FER1L6: variants seen among roughly 807,000 people sequenced by gnomAD.
FER1L6 encodes the protein fer-1-like protein 6.
A neutral mutation model predicts 219.2 loss-of-function variants in FER1L6; 177 were observed. That is an observed-to-expected ratio of 0.81 (90% CI 0.71 to 0.91). The LOEUF is 0.91. FER1L6 is among the 40% of genes least tolerant of loss of function. FER1L6 has a pLI of 0.00. For missense variants in FER1L6, 2,153 were observed against 2,259.9 expected (o/e 0.95, Z 0.96); for synonymous variants, 768 against 824.3 (o/e 0.93, Z 1.17).
At chr8:123,864,283 C>G (rs887372908) in intron 1 of FER1L6, among the ~76,000 whole-genome samples, 1 of 148,568 alleles carries the variant, frequency 6.7e-6, no homozygotes, top group African/African-American at 2.5e-5. Context: ...AAATTCTTTT[C>G]TTTAAGAATG....
intron 1 of FER1L6, among the ~76,000 whole-genome samples, chr8:123,912,300 C>G (rs1168594188): frequency 6.6e-6 from 1 of 151,294 alleles, no homozygotes; most frequent in Non-Finnish European, 1.5e-5. Context: ...AAGAAGAAAG[C>G]CTACTAAGTA....
chr8:124,061,530 AAGC>A (rs1290146920), intron 24 of FER1L6, among the ~76,000 whole-genome samples: 1 of 152,184 alleles, frequency 6.6e-6, no homozygotes, highest in African/African-American at 2.4e-5. Context: ...GGGCCTGGAT[AAGC>A]TGTCTTTGGA....
rs71289636 is a variant in FER1L6 at position 124,106,328 on chromosome 8, C to CAAAAAAA, written c.5289+3046_5289+3052dup. On this transcript the variant is annotated intron_variant, in intron 39 of 40. Coordinates refer to ENST00000522917, the MANE Select transcript of FER1L6 (RefSeq NM_001039112.2). The stretch of plus-strand genomic sequence containing the variant: ...TGGGCGACAGAGTGAGACTCTGTCT[C>CAAAAAAA]AAAAAAAAAAAAAAAAAAAAAAAAA... Among the ~76,000 whole-genome samples the CAAAAAAA allele has an allele frequency of 1.7e-4, 11 of 63,856 alleles. 1 individual carries two copies. Among genetic ancestry groups the CAAAAAAA allele is most frequent in the Non-Finnish European group, 2.3e-4 (9 of 38,310 alleles). The allele number at this position is 63,856 out of a possible 152,430, so 41.9% of individuals were successfully genotyped here. A position where few individuals can be genotyped will look rare whatever the true frequency, so the allele number is the denominator to read the frequency against.
At chr8:124,013,408 C>T in intron 14 of FER1L6, 23 bp from the exon 15 acceptor site, 2 of 1,486,312 alleles carry the variant, frequency 1.3e-6, no homozygotes, top group Non-Finnish European at 1.8e-6. Flanking sequence ...CCTCATCTCT[C>T]CACCCCTGTG....
Position 123,933,357 on chromosome 8 carries a change from T to G in FER1L6, c.-7-22635T>G, listed in dbSNP as rs535750068. On this transcript the variant is annotated intron_variant, in intron 1 of 40. Coordinates refer to ENST00000522917, the MANE Select transcript of FER1L6 (RefSeq NM_001039112.2). Reference sequence around the variant, plus strand: ...CCACTTCCCCCTATAGTCTGATCTTTCTATCATAGCATATGTGTGTCTGTG... The same window carrying G: ...CCACTTCCCCCTATAGTCTGATCTTGCTATCATAGCATATGTGTGTCTGTG... Among the ~76,000 whole-genome samples the G allele has an allele frequency of 2.3e-4, 35 of 152,214 alleles. 1 individual carries two copies. The South Asian group carries it at 7.1e-3, about 31-fold the overall frequency.
At chr8:124,069,496 C>A in intron 29 of FER1L6, 21 bp downstream of exon 29, 2 of 1,559,032 alleles carry the variant, frequency 1.3e-6, no homozygotes, top group Non-Finnish European at 8.8e-7. Context: ...ACACAGGCAT[C>A]TCTGCCATGG....
At chr8:124,069,280 A>T (rs1248012813) in intron 28 of FER1L6, 80 bp from the exon 29 acceptor site, 1 of 1,085,014 alleles carries the variant, frequency 9.2e-7, no homozygotes, top group Non-Finnish European at 1.4e-6. Flanking sequence ...ACATGTCAGC[A>T]AAAGGAAAGA....
Position 124,023,586 on chromosome 8 carries a change from A to C in FER1L6, c.2276A>C (p.His759Pro), listed in dbSNP as rs767526348. The C allele has an allele frequency of 6.1e-5, 98 of 1,614,078 alleles. No homozygotes were observed. In the South Asian group the frequency reaches 8.3e-4, roughly 14 times the overall value. ...MGKHCGKIKT[H>P]FLKPPGKRPA... ...AAACACTGCGGCAAGATCAAAACTC[A>C]CTTCCTCAAAGTAAGTGTGCAGTAT... The change falls in exon 18 of 41, where the codon CAC (histidine) becomes CCC (proline). Residue 759 changes from histidine (H) to proline (P), a missense_variant. Transcript: ENST00000522917.
In FER1L6 at chr8:123,904,337, G is replaced by C. The variant is rs563808209; in HGVS notation, c.-7-51655G>C. On this transcript the variant is annotated intron_variant, in intron 1 of 40. Transcript: ENST00000522917. ...TTGAGGCTATAGGGAAGGTTGGAAA[G>C]CATCTAGCACTAGCTCTGTGTATAA... 2.0e-5 allele frequency among the ~76,000 whole-genome samples: 3 copies of C among 151,172 alleles called. No homozygotes were observed. The East Asian group carries it at 5.9e-4, about 30-fold the overall frequency.
intron 7 of FER1L6, among the ~76,000 whole-genome samples, chr8:123,974,639 A>T (rs1010038915): frequency 7.1e-6 from 1 of 141,212 alleles, no homozygotes; most frequent in African/African-American, 2.7e-5. Flanking sequence ...CCAGCCAGGC[A>T]TCACAGCGAG....
At chr8:124,076,051 T>C in intron 31 of FER1L6, 147 bp from the exon 32 acceptor site, 1 of 976,298 alleles carries the variant, frequency 1.0e-6, no homozygotes, top group Non-Finnish European at 1.5e-6. Context: ...AGGGAGTTTT[T>C]CAAAAGCCCA....
intron 18 of FER1L6, among the ~76,000 whole-genome samples, chr8:124,032,748 T>C (rs1375583133): frequency 1.1e-5 from 1 of 92,280 alleles, no homozygotes; most frequent in African/African-American, 4.2e-5. Context: ...GGGGGCAGGG[T>C]GGGAGGGGGA....
At chr8:123,966,374 C>T in intron 5 of FER1L6, 84 bp downstream of exon 5, 1 of 1,549,496 alleles carries the variant, frequency 6.5e-7, no homozygotes, top group Non-Finnish European at 8.8e-7. Flanking sequence ...AAACAAAGAG[C>T]TGTGCCCCTC....
At chr8:124,089,387 G>C (rs1472161189) in intron 33 of FER1L6, among the ~76,000 whole-genome samples, 1 of 152,206 alleles carries the variant, frequency 6.6e-6, no homozygotes, top group Non-Finnish European at 1.5e-5. Flanking sequence ...CCAGGGAATG[G>C]GGGAGGAGTG....
At chr8:124,090,298 T>G (rs534099093) in intron 33 of FER1L6, among the ~76,000 whole-genome samples, 1 of 152,338 alleles carries the variant, frequency 6.6e-6, no homozygotes, top group South Asian at 2.1e-4. Flanking sequence ...TTGGGGGATT[T>G]ACATAGCTTT....
intron 1 of FER1L6, among the ~76,000 whole-genome samples, chr8:123,943,673 G>A (rs1814354543): frequency 6.6e-6 from 1 of 152,152 alleles, no homozygotes; most frequent in Non-Finnish European, 1.5e-5. Context: ...GAGCCTTGCT[G>A]GTCGAGGTGA....
intron 31 of FER1L6, 37 bp from the exon 32 acceptor site, chr8:124,076,161 G>A (rs78556947): frequency 1.2e-6 from 2 of 1,611,798 alleles, no homozygotes; most frequent in Admixed American, 3.3e-5. Context: ...AATGTTGAGA[G>A]CTATTGAACC....
chr8:123,988,245 G>A (rs1382626410), intron 12 of FER1L6, among the ~76,000 whole-genome samples: 1 of 152,188 alleles, frequency 6.6e-6, no homozygotes, highest in African/African-American at 2.4e-5. Context: ...AGCATAATTT[G>A]AAATCAGGTA....
intron 37 of FER1L6, 88 bp from the exon 38 acceptor site, chr8:124,101,009 A>G (rs939843204): frequency 7.4e-6 from 9 of 1,217,792 alleles, no homozygotes; most frequent in African/African-American, 1.5e-5. Flanking sequence ...CTCTGTGACC[A>G]CATTGAAATA....
Sources: allele counts gnomAD v4.1 joint callset (sites outside exome capture counted in the v4.1 genomes callset), GRCh38; gene constraint gnomAD v4.1.1; transcripts MANE v1.5; gene names NCBI Gene and HGNC (gene_info 2026-07-23, HGNC 2026-07-21).